Variants in RNF41 observed in about 807,000 individuals in gnomAD.
The protein encoded by RNF41 is ring finger protein 41.
In RNF41, 4 loss-of-function variants were observed where a neutral mutation model predicts 33.0. The observed-to-expected ratio is 0.12, with a 90% CI of 0.06 to 0.28. RNF41 has a LOEUF of 0.28. RNF41 is among the 10% of genes least tolerant of loss of function. The pLI, the probability that RNF41 is intolerant of heterozygous loss-of-function variation, is 1.00. For synonymous variants in RNF41, 164 were observed against 153.2 expected (o/e 1.07, Z -0.52); for missense variants, 228 against 432.6 (o/e 0.53, Z 4.19).
intron 1 of RNF41, among the ~76,000 whole-genome samples, chr12:56,220,266 G>A (rs558112008): frequency 2.2e-4 from 33 of 151,702 alleles, no homozygotes; most frequent in Middle Eastern, 3.4e-3. Flanking sequence ...CCAGGTTGGA[G>A]TTCAGTGGTG....
At chr12:56,213,494 C>T (rs1868635392) in intron 3 of RNF41, among the ~76,000 whole-genome samples, 2 of 152,106 alleles carry the variant, frequency 1.3e-5, no homozygotes, top group Admixed American at 6.6e-5. Context: ...CCCAGCCTTC[C>T]TATTTGTTAG....
At chr12:56,215,752 G>C (rs1430958652) in intron 2 of RNF41, among the ~76,000 whole-genome samples, 1 of 145,802 alleles carries the variant, frequency 6.9e-6, no homozygotes, top group Non-Finnish European at 1.5e-5. Flanking sequence ...AGGTCCAAAA[G>C]AGCAAGGACT....
Position 56,208,224 on chromosome 12 carries a change from T to C in RNF41, c.437A>G (p.Gln146Arg). Residue 146 changes from glutamine (Q) to arginine (R), a missense_variant, in exon 5 of 7, where the codon CAG becomes CGG. By Grantham distance (43) the Gln-to-Arg change is conservative. This residue lies in a region of RNF41 where 199 missense variants were observed against 334.6 expected (regional missense o/e 0.59). Transcript: ENST00000345093. ...KHLRSVVQQQQTRIAELEKTS... is the reference protein window; with the variant it reads ...KHLRSVVQQQRTRIAELEKTS... Reference sequence around the variant, plus strand: ...CTTCTCCAGCTCTGCGATGCGTGTCTGCTGCTGCTGTACCACTGAGCGCAG... The same window carrying C: ...CTTCTCCAGCTCTGCGATGCGTGTCCGCTGCTGCTGTACCACTGAGCGCAG... 1 of 1,613,978 alleles carries C rather than the reference T, an allele frequency of 6.2e-7. No homozygotes were observed. Among genetic ancestry groups the C allele is most frequent in the Non-Finnish European group, 8.5e-7 (1 of 1,179,870 alleles).
chr12:56,207,651 G>C lies in RNF41; in HGVS notation c.597C>G (p.Ile199Met). ...NLEETIEYNE[I>M]LEWVNSLQPA... ...ACGTCCTGAGTGACACTCACTCTAG[G>C]ATCTCGTTGTATTCAATTGTCTCCT... The change falls in exon 6 of 7, where the codon ATC (isoleucine) becomes ATG (methionine). Residue 199 changes from isoleucine to methionine, a missense_variant. This residue lies in a region of RNF41 where 199 missense variants were observed against 334.6 expected (regional missense o/e 0.59). Coordinates refer to ENST00000345093, the MANE Select transcript of RNF41 (RefSeq NM_005785.4). 1.2e-6 allele frequency: 2 copies of C among 1,610,314 alleles called. No individual in the cohort carries two copies. The highest frequency in any genetic ancestry group is 1.7e-6 in the Non-Finnish European group (2 of 1,176,516).
In RNF41 at chr12:56,204,521, GTTTA is replaced by G. The variant is rs891728545; in HGVS notation, c.*1922_*1925del. On this transcript the variant is annotated 3_prime_UTR_variant, in exon 7 of 7. Coordinates refer to ENST00000345093, the MANE Select transcript of RNF41 (RefSeq NM_005785.4). Reference sequence around the variant, plus strand: ...AAGAATTTAGAGAGTTGAGTAAAAGGTTTATTATTAGTGCAGTCAACACCATGGA... The same window carrying G: ...AAGAATTTAGAGAGTTGAGTAAAAGGTTATTAGTGCAGTCAACACCATGGA... The G allele has an allele frequency of 6.6e-6, 1 of 152,342 alleles. No homozygotes were observed. The highest frequency in any genetic ancestry group is 1.5e-5 in the Non-Finnish European group (1 of 68,044). The allele number at this position is 152,342 out of a possible 1,614,324, so 9.4% of individuals were successfully genotyped here. A position where few individuals can be genotyped will look rare whatever the true frequency, so the allele number is the denominator to read the frequency against.
intron 6 of RNF41, chr12:56,207,125 C>A: frequency 7.6e-7 from 1 of 1,309,392 alleles, no homozygotes; most frequent in South Asian, 1.4e-5. Flanking sequence ...ATCCTATGTC[C>A]CACTCAGCAC....
intron 3 of RNF41, chr12:56,213,143 T>C (rs1415532540): frequency 1.6e-6 from 2 of 1,286,332 alleles, no homozygotes; most frequent in African/African-American, 1.5e-5. Flanking sequence ...GCTGGTCTTT[T>C]CAGTAGATCC....
intron 1 of RNF41, among the ~76,000 whole-genome samples, chr12:56,218,201 G>A (rs1031824508): frequency 2.7e-5 from 4 of 150,936 alleles, no homozygotes; most frequent in African/African-American, 4.9e-5. Context: ...TGATCCACCC[G>A]CCTCAGCCTC....
Position 56,206,910 on chromosome 12 carries a change from C to T in RNF41, c.603-112G>A. The T allele has an allele frequency of 1.0e-6, 1 of 958,824 alleles. No homozygotes were observed. The highest frequency in any genetic ancestry group is 1.5e-6 in the Non-Finnish European group (1 of 660,168). The allele number at this position is 958,824 out of a possible 1,614,324, so 59.4% of individuals were successfully genotyped here. A position where few individuals can be genotyped will look rare whatever the true frequency, so the allele number is the denominator to read the frequency against. ...TCTGCACTCAGCTTACCTATTCTTC[C>T]TTCTTTCCTTCCATCATTGGCTCAG... On this transcript the variant is annotated intron_variant, in intron 6 of 6. Transcript: ENST00000345093. This position sits in a 1 kb window ranked among gnomAD's most constrained non-coding sequence, Gnocchi z 5.7.
Position 56,206,391 on chromosome 12 carries a change from C to G in RNF41, c.*56G>C. The G allele has an allele frequency of 1.4e-6, 2 of 1,446,448 alleles. No homozygotes were observed. Among genetic ancestry groups the G allele is most frequent in the East Asian group, 4.5e-5 (2 of 43,976 alleles). The allele number at this position is 1,446,448 out of a possible 1,614,324, so 89.6% of individuals were successfully genotyped here. ...GTGGGTAGGACTCAGGTCCCAGCTGCTGGAGTGATGGGATTTTCTGATTTC... is the reference window on the plus strand; with the variant it reads ...GTGGGTAGGACTCAGGTCCCAGCTGGTGGAGTGATGGGATTTTCTGATTTC... On this transcript the variant is annotated 3_prime_UTR_variant, in exon 7 of 7. Transcript: ENST00000345093. The surrounding 1 kb of genome is among the most constrained non-coding windows in gnomAD (Gnocchi z 5.7).
At position 56,210,314 on chromosome 12, in the gene RNF41, G is replaced by A. The variant is rs1324498998; in HGVS notation, c.345C>T (p.Thr115=). ...DCEHNPKRPV[T]CEQGCGLEMP... is the part of the protein sequence containing the mutation. ...AATCTCACCCACAGCCCTGTTCACAGGTCACAGGCCGCTTCGGGTTGTGCT... is the reference window on the plus strand; with the variant it reads ...AATCTCACCCACAGCCCTGTTCACAAGTCACAGGCCGCTTCGGGTTGTGCT... Residue 115 remains threonine, a synonymous_variant, in exon 4 of 7, where the codon ACC becomes ACT. Coordinates refer to ENST00000345093, the MANE Select transcript of RNF41 (RefSeq NM_005785.4). 1.2e-6 allele frequency: 2 copies of A among 1,613,598 alleles called. No homozygotes were observed. The highest frequency in any genetic ancestry group is 2.7e-5 in the African/African-American group (2 of 74,930).
At position 56,205,106 on chromosome 12, in the gene RNF41, A is replaced by G. The variant is rs1878786083; in HGVS notation, c.*1341T>C. On this transcript the variant is annotated 3_prime_UTR_variant, in exon 7 of 7. Transcript: ENST00000345093. Reference sequence around the variant, plus strand: ...GCATGGTGAAGCTTAGAACCCAGCTATACAGCTCCAAGGAAACTTGGGGAA... The same window carrying G: ...GCATGGTGAAGCTTAGAACCCAGCTGTACAGCTCCAAGGAAACTTGGGGAA... 1 of 152,254 alleles carries G rather than the reference A, an allele frequency of 6.6e-6. No individual in the cohort carries two copies. Among genetic ancestry groups the G allele is most frequent in the African/African-American group, 2.4e-5 (1 of 41,458 alleles). 9.4% of individuals were successfully genotyped at this position (152,254 alleles called of 1,614,324 possible).
intron 5 of RNF41, 40 bp from the exon 6 acceptor site, chr12:56,207,789 G>A (rs1037916702): frequency 2.0e-6 from 3 of 1,519,756 alleles, no homozygotes; most frequent in Non-Finnish European, 2.7e-6. Flanking sequence ...GGTTAAGGCA[G>A]ACAGCAGAAA....
At chr12:56,221,005 C>G (rs1448885990) in intron 1 of RNF41, among the ~76,000 whole-genome samples, 2 of 152,116 alleles carry the variant, frequency 1.3e-5, no homozygotes, top group East Asian at 3.8e-4. Flanking sequence ...CGGGCCAGTC[C>G]CCAAGAACAG....
intron 1 of RNF41, among the ~76,000 whole-genome samples, chr12:56,219,851 C>CA (rs986570215): frequency 6.6e-6 from 1 of 150,902 alleles, no homozygotes; most frequent in Non-Finnish European, 1.5e-5. Flanking sequence ...CTTGTCTCTA[C>CA]AAAAAATACA....
Position 56,207,439 on chromosome 12 carries a change from C to T in RNF41, c.602+207G>A. The T allele has an allele frequency of 3.9e-6, 3 of 762,648 alleles. No homozygotes were observed. The South Asian group carries it at 4.4e-5, about 11-fold the overall frequency. The allele number at this position is 762,648 out of a possible 1,614,324, so 47.2% of individuals were successfully genotyped here. On this transcript the variant is annotated intron_variant, in intron 6 of 6. Coordinates refer to ENST00000345093, the MANE Select transcript of RNF41 (RefSeq NM_005785.4). ...GTGCATCCTTGGGCAGGCTTTCCCTCCATCCACCCAAACACATAAGACATC... is the reference window on the plus strand; with the variant it reads ...GTGCATCCTTGGGCAGGCTTTCCCTTCATCCACCCAAACACATAAGACATC...
intron 3 of RNF41, chr12:56,212,934 T>C (rs1868588536): frequency 8.7e-7 from 1 of 1,151,716 alleles, no homozygotes. Flanking sequence ...GCAATAAGGA[T>C]CCTGGAGGAT....
At chr12:56,220,948 TA>T (rs1869357751) in intron 1 of RNF41, among the ~76,000 whole-genome samples, 1 of 152,162 alleles carries the variant, frequency 6.6e-6, no homozygotes, top group African/African-American at 2.4e-5. Flanking sequence ...TCTCTTGCCC[TA>T]TTGTCAGACT....
chr12:56,216,062 C>G (rs1324659328), intron 2 of RNF41, among the ~76,000 whole-genome samples: 1 of 151,440 alleles, frequency 6.6e-6, no homozygotes. Context: ...GTGAAGGTTG[C>G]AGTGAGCTGA....
Sources: gnomAD v4.1 joint callset for allele counts (sites outside exome capture counted in the v4.1 genomes callset) on GRCh38, gnomAD v4.1.1 for gene constraint, gnomAD v4.1.1 regional missense constraint, Gnocchi (gnomAD v3.1) non-coding constraint, MANE v1.5 for transcripts, NCBI Gene and HGNC (gene_info 2026-07-23, HGNC 2026-07-21) for gene names.